AUTS2: variants seen among roughly 807,000 people sequenced by gnomAD.
The protein encoded by AUTS2 is autism susceptibility gene 2 protein.
AUTS2 carries 17 observed loss-of-function variants against 112.4 expected under a neutral mutation model. The observed-to-expected ratio is 0.15, with a 90% CI of 0.10 to 0.23. AUTS2 has a LOEUF of 0.23. Among genes scored for constraint, AUTS2 ranks in the 10% least tolerant of loss-of-function variants. The pLI, the probability that AUTS2 is intolerant of heterozygous loss-of-function variation, is 1.00. For synonymous variants in AUTS2, 751 were observed against 702.7 expected (o/e 1.07, Z -1.09); for missense variants, 1,510 against 1,701.6 (o/e 0.89, Z 1.98).
At chr7:69,690,725 G>A (rs187950901) in intron 1 of AUTS2, among the ~76,000 whole-genome samples, 2 of 152,318 alleles carry the variant, frequency 1.3e-5, no homozygotes, top group East Asian at 3.9e-4. Flanking sequence ...CACTAGGTTT[G>A]GGCTTCCTGA....
intron 4 of AUTS2, among the ~76,000 whole-genome samples, chr7:70,270,519 G>C (rs773078068): frequency 2.0e-5 from 3 of 152,092 alleles, no homozygotes; most frequent in Non-Finnish European, 4.4e-5. Context: ...ATGGCATTAA[G>C]ACCCTTGTAC....
intron 1 of AUTS2, among the ~76,000 whole-genome samples, chr7:69,862,789 CT>C (rs1407750358): frequency 1.3e-5 from 2 of 152,100 alleles, no homozygotes; most frequent in African/African-American, 4.8e-5. Context: ...TGATAAGGCA[CT>C]TATTTTATGA....
intron 5 of AUTS2, among the ~76,000 whole-genome samples, chr7:70,522,629 A>T (rs534243356): frequency 2.0e-5 from 3 of 152,328 alleles, no homozygotes; most frequent in Admixed American, 1.3e-4. Context: ...TGCAAAGGAC[A>T]TGATTTTGTT....
chr7:70,528,295 A>T (rs928716527), intron 5 of AUTS2, among the ~76,000 whole-genome samples: 64 of 151,990 alleles, frequency 4.2e-4, no homozygotes, highest in African/African-American at 1.3e-3. Context: ...AAAATAATAA[A>T]AAAAAAACCC....
chr7:69,927,709 C>T (rs930146545), intron 2 of AUTS2, among the ~76,000 whole-genome samples: 7 of 152,334 alleles, frequency 4.6e-5, no homozygotes, highest in South Asian at 2.1e-4. Context: ...CCAGGCTTAA[C>T]GGCTGCTGCA....
chr7:69,689,694 T>C (rs60571436), intron 1 of AUTS2, among the ~76,000 whole-genome samples: 20 of 121,914 alleles, frequency 1.6e-4, no homozygotes, highest in African/African-American at 6.1e-4. Context: ...ATTTATTTAT[T>C]TGAGACAGAG....
chr7:69,778,937 A>C (rs1347231405), intron 1 of AUTS2, among the ~76,000 whole-genome samples: 1 of 151,164 alleles, frequency 6.6e-6, no homozygotes, highest in Non-Finnish European at 1.5e-5. Context: ...TGCAATAGTG[A>C]GAGGCTGAAC....
intron 5 of AUTS2, among the ~76,000 whole-genome samples, chr7:70,458,233 G>A (rs929304628): frequency 1.2e-4 from 18 of 152,226 alleles, no homozygotes; most frequent in South Asian, 4.1e-4. Context: ...CCTCTGCCTC[G>A]TATAATTTAA....
At chr7:70,070,393 CA>C (rs1802699236) in intron 2 of AUTS2, among the ~76,000 whole-genome samples, 2 of 139,486 alleles carry the variant, frequency 1.4e-5, no homozygotes, top group Non-Finnish European at 1.5e-5. Flanking sequence ...GCCAACATGG[CA>C]AAACCCCGTC....
chr7:69,650,390 A>G (rs1034337580), intron 1 of AUTS2, among the ~76,000 whole-genome samples: 2 of 152,204 alleles, frequency 1.3e-5, no homozygotes, highest in Non-Finnish European at 2.9e-5. Context: ...CCTGTTAAAA[A>G]GGCACTTTCT....
chr7:70,435,313 C>G (rs1795845162), intron 4 of AUTS2, among the ~76,000 whole-genome samples: 1 of 152,228 alleles, frequency 6.6e-6, no homozygotes, highest in South Asian at 2.1e-4. Flanking sequence ...GGTAGAGATA[C>G]AGCCATTCAC....
chr7:69,879,493 G>A (rs1000252930), intron 1 of AUTS2, among the ~76,000 whole-genome samples: 3 of 152,108 alleles, frequency 2.0e-5, no homozygotes, highest in Non-Finnish European at 4.4e-5. Flanking sequence ...GGCAGTTTCT[G>A]TGGCTGCTTA....
At chr7:70,443,902 A>G (rs1796214832) in intron 5 of AUTS2, among the ~76,000 whole-genome samples, 4 of 152,202 alleles carry the variant, frequency 2.6e-5, no homozygotes. Context: ...AGCTTACGGA[A>G]TGTGTTTCAA....
chr7:69,909,032 A>G (rs1795253890), intron 2 of AUTS2, among the ~76,000 whole-genome samples: 3 of 152,230 alleles, frequency 2.0e-5, no homozygotes, highest in Non-Finnish European at 4.4e-5. Context: ...TGCAGGAGCC[A>G]TATTTTTAAA....
chr7:70,015,628 G>A (rs1041902334), intron 2 of AUTS2, among the ~76,000 whole-genome samples: 1 of 152,128 alleles, frequency 6.6e-6, no homozygotes, highest in Admixed American at 6.6e-5. Context: ...CACAGTTCAT[G>A]CAAAGAAATA....
At chr7:69,866,033 C>A (rs973479938) in intron 1 of AUTS2, among the ~76,000 whole-genome samples, 1 of 152,058 alleles carries the variant, frequency 6.6e-6, no homozygotes, top group Non-Finnish European at 1.5e-5. Context: ...GTTATAAGTC[C>A]TTTCCTTTTC....
intron 4 of AUTS2, among the ~76,000 whole-genome samples, chr7:70,287,540 A>G (rs1360136549): frequency 6.6e-6 from 1 of 152,216 alleles, no homozygotes; most frequent in Admixed American, 6.5e-5. Context: ...GGCTCCTCCC[A>G]GTAGTTTAGA....
intron 5 of AUTS2, among the ~76,000 whole-genome samples, chr7:70,632,536 G>A (rs1306624384): frequency 6.6e-6 from 1 of 151,620 alleles, no homozygotes; most frequent in Non-Finnish European, 1.5e-5. Context: ...AGGCACAGAT[G>A]CCCCCCGTTG....
intron 2 of AUTS2, among the ~76,000 whole-genome samples, chr7:69,969,110 T>C (rs59727854): frequency 7.9e-4 from 121 of 152,280 alleles, no homozygotes; most frequent in African/African-American, 2.9e-3. Flanking sequence ...TGTTTGCTGT[T>C]ATGAATTTTG....
Sources: gnomAD v4.1 joint callset for allele counts (sites outside exome capture counted in the v4.1 genomes callset) on GRCh38, gnomAD v4.1.1 for gene constraint, MANE v1.5 for transcripts, NCBI Gene and HGNC (gene_info 2026-07-23, HGNC 2026-07-21) for gene names.